The following EMILIN2 variants were observed in gnomAD, a reference collection of about 807,000 sequenced individuals.
EMILIN2 encodes elastin microfibril interfacer 2, also known as EMILIN-2.
EMILIN2 carries 71 observed loss-of-function variants against 87.1 expected under a neutral mutation model. The ratio of observed to expected loss-of-function variants is 0.82; its 90% CI spans 0.67 to 0.99. The LOEUF (loss-of-function observed/expected upper bound fraction) is 0.99, where lower values mean the gene tolerates loss of function less well. Ranked by LOEUF, EMILIN2 falls within the 50% of genes least tolerant of loss-of-function variation. EMILIN2 has a pLI of 0.00. For synonymous variants in EMILIN2, 581 were observed against 563.4 expected (o/e 1.03, Z -0.44); for missense variants, 1,407 against 1,371.8 (o/e 1.03, Z -0.40).
chr18:2,884,008 T>G (rs911547863), intron 2 of EMILIN2, among the ~76,000 whole-genome samples: 3 of 152,118 alleles, frequency 2.0e-5, no homozygotes. Context: ...CAGGCTGGAG[T>G]GCAGTGGCGC....
chr18:2,910,967 C>T (rs1192657735), intron 7 of EMILIN2, among the ~76,000 whole-genome samples: 2 of 152,318 alleles, frequency 1.3e-5, no homozygotes, highest in Non-Finnish European at 1.5e-5. Flanking sequence ...CCCCACAGAC[C>T]TCCAGGCCTC....
rs1231372942 is a variant in EMILIN2, at chr18:2,913,494, G to T, written c.*90G>T. On this transcript the variant is annotated 3_prime_UTR_variant, in exon 8 of 8. Transcript: ENST00000254528. ...CGGTTTGTATGTAATGGAAGCACGG[G>T]GCTAGAGTTTCCACATAGGCCCCAA... The T allele has an allele frequency of 9.1e-7, 1 of 1,092,958 alleles. No individual in the cohort carries two copies. Among genetic ancestry groups the T allele is most frequent in the African/African-American group, 1.6e-5 (1 of 63,064 alleles). The allele number at this position is 1,092,958 out of a possible 1,614,324, so 67.7% of individuals were successfully genotyped here.
chr18:2,864,633 T>G (rs1471344245), intron 2 of EMILIN2, among the ~76,000 whole-genome samples: 1 of 152,238 alleles, frequency 6.6e-6, no homozygotes, highest in Non-Finnish European at 1.5e-5. Context: ...GACCTTTCTC[T>G]CTGGCTGCCC....
In EMILIN2 at chr18:2,848,360, G is replaced by A. The variant is rs2076586819; in HGVS notation, c.257+429G>A. ...AGGATTCGCTGAGAGGTTTGGCTAA[G>A]TAGTGTTCTAAAACGAGTGAGTTCT... is the stretch of plus-strand genomic sequence containing the variant. On this transcript the variant is annotated intron_variant, in intron 2 of 7. Coordinates refer to ENST00000254528, the MANE Select transcript of EMILIN2 (RefSeq NM_032048.3). This position sits in a 1 kb window ranked among gnomAD's most constrained non-coding sequence, Gnocchi z 4.1. Among the ~76,000 whole-genome samples the A allele has an allele frequency of 6.6e-6, 1 of 152,164 alleles. No homozygotes were observed. The highest frequency in any genetic ancestry group is 1.9e-4 in the East Asian group (1 of 5,196).
chr18:2,866,234 C>T (rs113035495), intron 2 of EMILIN2, among the ~76,000 whole-genome samples: 32 of 152,300 alleles, frequency 2.1e-4, no homozygotes, highest in African/African-American at 7.2e-4. Context: ...CCCAGTGAGA[C>T]GAACCCGATA....
chr18:2,856,124 C>T (rs921634736), intron 2 of EMILIN2, among the ~76,000 whole-genome samples: 6 of 152,040 alleles, frequency 3.9e-5, no homozygotes, highest in African/African-American at 1.5e-4. Context: ...CCTGTAATTC[C>T]AGCTACTCGG....
chr18:2,867,746 A>C (rs970904119), intron 2 of EMILIN2, among the ~76,000 whole-genome samples: 1 of 152,202 alleles, frequency 6.6e-6, no homozygotes, highest in Non-Finnish European at 1.5e-5. Context: ...TCCCATGTCT[A>C]CTTCTTTCTA....
At chr18:2,850,162 G>A (rs952869070) in intron 2 of EMILIN2, among the ~76,000 whole-genome samples, 1 of 146,130 alleles carries the variant, frequency 6.8e-6, no homozygotes, top group Non-Finnish European at 1.5e-5. Context: ...GGCTGGTCTC[G>A]AACTTGAGCT....
chr18:2,874,813 A>G (rs1001337069), intron 2 of EMILIN2, among the ~76,000 whole-genome samples: 4 of 152,226 alleles, frequency 2.6e-5, no homozygotes, highest in Admixed American at 6.5e-5. Context: ...GGAAGAAACT[A>G]TGTTTAAATC....
chr18:2,896,756 T>C (rs1048113137), intron 4 of EMILIN2, among the ~76,000 whole-genome samples: 1 of 151,730 alleles, frequency 6.6e-6, no homozygotes, highest in African/African-American at 2.4e-5. Flanking sequence ...GATTCAGGCA[T>C]GTGCTGTAAT....
intron 2 of EMILIN2, among the ~76,000 whole-genome samples, chr18:2,866,409 G>T (rs1450066264): frequency 9.9e-5 from 15 of 152,280 alleles, no homozygotes; most frequent in East Asian, 5.8e-4. Context: ...TCTTGGTTAG[G>T]TATATTCCTA....
At chr18:2,911,439 T>C (rs1390453615) in intron 7 of EMILIN2, among the ~76,000 whole-genome samples, 1 of 152,254 alleles carries the variant, frequency 6.6e-6, no homozygotes, top group Admixed American at 6.5e-5. Flanking sequence ...ATGAGCTTCA[T>C]CGCCCAACTC....
At chr18:2,874,228 G>T (rs561604314) in intron 2 of EMILIN2, among the ~76,000 whole-genome samples, 42 of 151,822 alleles carry the variant, frequency 2.8e-4, no homozygotes, top group Middle Eastern at 6.8e-3. Context: ...TCTTGTTGTT[G>T]TTTTTTTTAA....
chr18:2,846,723 C>T (rs1347815812), upstream of EMILIN2: 1 of 983,250 alleles, frequency 1.0e-6, no homozygotes, highest in African/African-American at 1.7e-5. The surrounding 1 kb of genome is among the most constrained non-coding windows in gnomAD (Gnocchi z 5.3). Context: ...TCCCGGGGGG[C>T]CGGGAGCGAG....
chr18:2,899,712 C>T (rs1300074035), intron 4 of EMILIN2, among the ~76,000 whole-genome samples: 1 of 152,150 alleles, frequency 6.6e-6, no homozygotes, highest in Non-Finnish European at 1.5e-5. Context: ...CCATGTTGGC[C>T]AGGCTGGTTT....
At chr18:2,911,324 G>T (rs1210397722) in intron 7 of EMILIN2, among the ~76,000 whole-genome samples, 1 of 152,238 alleles carries the variant, frequency 6.6e-6, no homozygotes, top group Non-Finnish European at 1.5e-5. Context: ...AGTTGTGCAT[G>T]TGCCCACGTG....
chr18:2,846,725 G>A, upstream of EMILIN2: 11 of 984,446 alleles, frequency 1.1e-5, no homozygotes, highest in Non-Finnish European at 1.3e-5. This position sits in a 1 kb window ranked among gnomAD's most constrained non-coding sequence, Gnocchi z 5.3. Flanking sequence ...CCGGGGGGCC[G>A]GGAGCGAGCC....
In EMILIN2 at chr18:2,914,792, C is replaced by T. The variant is rs960815034; in HGVS notation, c.*1388C>T. The T allele has an allele frequency of 6.6e-6, 1 of 152,162 alleles. No individual in the cohort carries two copies. Among genetic ancestry groups the T allele is most frequent in the Non-Finnish European group, 1.5e-5 (1 of 68,030 alleles). 9.4% of individuals were successfully genotyped at this position (152,162 alleles called of 1,614,324 possible). A position where few individuals can be genotyped will look rare whatever the true frequency, so the allele number is the denominator to read the frequency against. ...CACTTCAGAGTTCCTTATTTACTCC[C>T]CCCGCCACAGCTAGGAAGACCAGCA... On this transcript the variant is annotated 3_prime_UTR_variant, in exon 8 of 8. Transcript: ENST00000254528.
intron 2 of EMILIN2, among the ~76,000 whole-genome samples, chr18:2,856,438 G>A (rs953099288): frequency 1.3e-5 from 2 of 152,152 alleles, no homozygotes; most frequent in Admixed American, 6.5e-5. Flanking sequence ...GTTGCTGTGA[G>A]TGGTGGTAAA....
Sources: allele counts gnomAD v4.1 joint callset (sites outside exome capture counted in the v4.1 genomes callset), GRCh38; gene constraint gnomAD v4.1.1; non-coding constraint Gnocchi (gnomAD v3.1); transcripts MANE v1.5; gene names NCBI Gene and HGNC (gene_info 2026-07-23, HGNC 2026-07-21).